IL7: variants seen among roughly 807,000 people sequenced by gnomAD.
The protein encoded by IL7 is interleukin 7.
IL7 carries 3 observed loss-of-function variants against 21.6 expected under a neutral mutation model. The observed-to-expected ratio is 0.14, with a 90% CI of 0.06 to 0.36. The LOEUF (loss-of-function observed/expected upper bound fraction) is 0.36. IL7 is among the 10% of genes least tolerant of loss of function. The pLI is 1.00. For missense variants in IL7, 175 were observed against 200.2 expected (o/e 0.87, Z 0.76); for synonymous variants, 62 against 68.1 (o/e 0.91, Z 0.44).
At chr8:78,761,026 T>G (rs1812536895) in intron 2 of IL7, 1 of 1,612,428 alleles carries the variant, frequency 6.2e-7, no homozygotes, top group Non-Finnish European at 8.5e-7. Context: ...AGAGTACAAA[T>G]GCTCGGCCAG....
downstream of IL7, among the ~76,000 whole-genome samples, chr8:78,714,022 T>C (rs1811024109): frequency 6.6e-6 from 1 of 152,184 alleles, no homozygotes; most frequent in African/African-American, 2.4e-5. Context: ...CTTTGCCATA[T>C]AAGTAGAGTA....
At chr8:78,708,881 G>T (rs1810868653) in intron 3 of IL7, among the ~76,000 whole-genome samples, 1 of 151,908 alleles carries the variant, frequency 6.6e-6, no homozygotes, top group Non-Finnish European at 1.5e-5. Context: ...TGTTAGGCTG[G>T]TCTCAAACTT....
chr8:78,693,131 T>C (rs1810269716), intron 3 of IL7, among the ~76,000 whole-genome samples: 1 of 152,144 alleles, frequency 6.6e-6, no homozygotes, highest in Admixed American at 6.5e-5. Flanking sequence ...CAGTCTATCA[T>C]TGTTGGACAT....
rs138613369 is a variant in IL7 at position 78,696,962 on chromosome 8, G to T, written n.215-11015C>A. ...AACTTTGAGGAAGTTTTTTCCGTTA[G>T]ACCTTTTTTTCTTTTTCCTGTGAAC... On this transcript the variant is annotated intron_variant and non_coding_transcript_variant, in intron 3 of 4. Coordinates refer to the IL7 transcript ENST00000523959. Among the ~76,000 whole-genome samples, 133 of 152,204 alleles carry T rather than the reference G, an allele frequency of 8.7e-4. 1 individual carries two copies. Among genetic ancestry groups the T allele is most frequent in the East Asian group, 1.4e-3 (7 of 5,182 alleles).
At chr8:78,773,329 C>A (rs988331768) in intron 2 of IL7, among the ~76,000 whole-genome samples, 1 of 152,222 alleles carries the variant, frequency 6.6e-6, no homozygotes, top group Middle Eastern at 3.4e-3. Flanking sequence ...TAACTCTACA[C>A]AGACAGTGGT....
chr8:78,681,134 G>T (rs1244306206), intron 4 of IL7, among the ~76,000 whole-genome samples: 1 of 151,808 alleles, frequency 6.6e-6, no homozygotes. Flanking sequence ...TAATTACACA[G>T]AGACGCCTTA....
At chr8:78,775,863 G>A (rs903126216) in intron 2 of IL7, among the ~76,000 whole-genome samples, 22 of 152,030 alleles carry the variant, frequency 1.4e-4, no homozygotes, top group Non-Finnish European at 2.8e-4. Flanking sequence ...GGACCTCTGT[G>A]TAAGATTTTA....
At chr8:78,690,662 T>G (rs1225351323) in intron 3 of IL7, among the ~76,000 whole-genome samples, 1 of 152,170 alleles carries the variant, frequency 6.6e-6, no homozygotes, top group Non-Finnish European at 1.5e-5. Flanking sequence ...GCATTTGAGA[T>G]TATATTAAAT....
intron 2 of IL7, among the ~76,000 whole-genome samples, chr8:78,745,500 A>G (rs1315925568): frequency 1.3e-5 from 2 of 151,968 alleles, no homozygotes; most frequent in Non-Finnish European, 2.9e-5. Context: ...CTCTTTTTAC[A>G]TTGGTTTCTT....
At chr8:78,769,618 T>C (rs999849493) in intron 2 of IL7, among the ~76,000 whole-genome samples, 37 of 152,158 alleles carry the variant, frequency 2.4e-4, no homozygotes, top group African/African-American at 8.9e-4. Context: ...CCCAAGGTAA[T>C]TTATAGATTC....
chr8:78,716,498 A>G (rs1341680178), downstream of IL7, among the ~76,000 whole-genome samples: 2 of 152,158 alleles, frequency 1.3e-5, no homozygotes, highest in Non-Finnish European at 2.9e-5. Flanking sequence ...ATTGCATCAC[A>G]ATAATTTAAT....
At chr8:78,755,590 C>A (rs1214929407) in intron 2 of IL7, among the ~76,000 whole-genome samples, 1 of 151,368 alleles carries the variant, frequency 6.6e-6, no homozygotes, top group African/African-American at 2.4e-5. Flanking sequence ...ATTTTCCTGG[C>A]AAAAATTGTA....
At chr8:78,698,514 G>T (rs1810504732) in intron 3 of IL7, 1 of 1,596,426 alleles carries the variant, frequency 6.3e-7, no homozygotes. Context: ...CTCATGCAGG[G>T]TAAGTCTACA....
At chr8:78,776,987 C>G (rs145047236) in intron 2 of IL7, among the ~76,000 whole-genome samples, 4 of 152,132 alleles carry the variant, frequency 2.6e-5, no homozygotes, top group African/African-American at 7.2e-5. Context: ...AAATGACATT[C>G]CTACTCTCAC....
intron 2 of IL7, among the ~76,000 whole-genome samples, chr8:78,787,700 T>C (rs938990298): frequency 1.1e-4 from 16 of 152,194 alleles, no homozygotes; most frequent in African/African-American, 3.9e-4. Context: ...TTAGGGGTCA[T>C]TTCCCCAATT....
intron 2 of IL7, among the ~76,000 whole-genome samples, chr8:78,790,943 A>T (rs892842349): frequency 6.6e-6 from 1 of 151,892 alleles, no homozygotes; most frequent in African/African-American, 2.4e-5. Context: ...AAGTAAAATG[A>T]TTCATATTTC....
intron 3 of IL7, chr8:78,698,516 A>G (rs1442358570): frequency 6.3e-7 from 1 of 1,587,020 alleles, no homozygotes; most frequent in Non-Finnish European, 8.6e-7. Flanking sequence ...CATGCAGGGT[A>G]AGTCTACACT....
chr8:78,773,778 GA>G (rs1813042573), intron 2 of IL7, among the ~76,000 whole-genome samples: 2 of 152,122 alleles, frequency 1.3e-5, no homozygotes. Context: ...TTCTGACTGA[GA>G]TGCTTATCCA....
At chr8:78,787,522 C>A (rs1361816467) in intron 2 of IL7, among the ~76,000 whole-genome samples, 2 of 152,152 alleles carry the variant, frequency 1.3e-5, no homozygotes, top group African/African-American at 4.8e-5. Flanking sequence ...ACATGCATAG[C>A]CTTCCCTGTT....
Sources: gnomAD v4.1 joint callset for allele counts (sites outside exome capture counted in the v4.1 genomes callset) on GRCh38, gnomAD v4.1.1 for gene constraint, MANE v1.5 for transcripts, NCBI Gene and HGNC (gene_info 2026-07-23, HGNC 2026-07-21) for gene names.